Variants in ANGPT2 observed in about 807,000 individuals in gnomAD.
ANGPT2 encodes the protein angiopoietin-2.
A neutral mutation model predicts 62.9 loss-of-function variants in ANGPT2; 28 were observed. The observed-to-expected ratio is 0.44, with a 90% CI of 0.33 to 0.61. The LOEUF (loss-of-function observed/expected upper bound fraction) is 0.61, where lower values mean the gene tolerates loss of function less well. Among genes scored for constraint, ANGPT2 ranks in the 20% least tolerant of loss-of-function variants. ANGPT2 has a pLI of 0.03. For missense variants in ANGPT2, 727 were observed against 594.9 expected (o/e 1.22, Z -2.31); for synonymous variants, 284 against 207.8 (o/e 1.37, Z -3.15).
chr8:6,557,700 CACACACA>C (rs1376776438), intron 1 of ANGPT2, among the ~76,000 whole-genome samples: 1 of 151,608 alleles, frequency 6.6e-6, no homozygotes, highest in African/African-American at 2.4e-5. Flanking sequence ...CACACACACA[CACACACA>C]CACACACATA....
intron 3 of ANGPT2, among the ~76,000 whole-genome samples, chr8:6,525,083 C>G (rs188390812): frequency 6.6e-6 from 1 of 152,298 alleles, no homozygotes; most frequent in East Asian, 1.9e-4. Context: ...GTAAATCCAC[C>G]TTTTTTTGAC....
At chr8:6,539,323 C>T (rs764343287) in intron 1 of ANGPT2, among the ~76,000 whole-genome samples, 1 of 152,172 alleles carries the variant, frequency 6.6e-6, no homozygotes, top group Non-Finnish European at 1.5e-5. Context: ...AGCTACTTGC[C>T]ATCTGTTGAC....
chr8:6,527,518 C>T (rs374002049), intron 3 of ANGPT2, 37 bp downstream of exon 3: 17 of 1,596,978 alleles, frequency 1.1e-5, no homozygotes, highest in Non-Finnish European at 1.4e-5. Flanking sequence ...GGAAAGTGTG[C>T]AGTCCTGAAT....
chr8:6,514,990 C>T (rs1815969718), intron 5 of ANGPT2, among the ~76,000 whole-genome samples: 1 of 152,120 alleles, frequency 6.6e-6, no homozygotes, highest in Non-Finnish European at 1.5e-5. Flanking sequence ...GAAACATAAA[C>T]AGTAATATAA....
intron 1 of ANGPT2, among the ~76,000 whole-genome samples, chr8:6,541,916 G>A (rs922299528): frequency 2.6e-5 from 4 of 151,752 alleles, no homozygotes; most frequent in Admixed American, 2.0e-4. Context: ...GCTAAGGTGG[G>A]AGGATTGCTT....
intron 1 of ANGPT2, among the ~76,000 whole-genome samples, chr8:6,536,949 A>T (rs190204140): frequency 6.6e-6 from 1 of 150,428 alleles, no homozygotes; most frequent in East Asian, 2.0e-4. Flanking sequence ...TTCCATTCTA[A>T]GTATAAGGAA....
At chr8:6,530,208 G>A (rs1344902266) in intron 2 of ANGPT2, among the ~76,000 whole-genome samples, 2 of 151,936 alleles carry the variant, frequency 1.3e-5, no homozygotes, top group Non-Finnish European at 2.9e-5. Flanking sequence ...GTGCAATTTT[G>A]CCATTGAAAG....
chr8:6,527,017 A>G (rs902230967), intron 3 of ANGPT2, among the ~76,000 whole-genome samples: 2 of 152,248 alleles, frequency 1.3e-5, no homozygotes. Flanking sequence ...GCATTGGCTT[A>G]CAGTATAAGT....
chr8:6,548,119 T>A (rs940371429), intron 1 of ANGPT2, among the ~76,000 whole-genome samples: 1 of 152,198 alleles, frequency 6.6e-6, no homozygotes, highest in African/African-American at 2.4e-5. Flanking sequence ...TTGGCTGCTC[T>A]TTGGGATTCA....
At position 6,562,910 on chromosome 8, in the gene ANGPT2, G is replaced by T. The variant is rs1207382999; in HGVS notation, c.25C>A (p.Leu9Met). The change falls in exon 1 of 9, where the codon CTG (leucine) becomes ATG (methionine). Residue 9 changes from leucine to methionine, a missense_variant. Physicochemically the swap from Leu to Met is conservative, Grantham distance 15. Transcript: ENST00000629816. ...GCGGCCAAGACAAGATCACAGCTCAGAGTAAAGAAAACAATCTGCCACATT... is the reference window on the plus strand; with the variant it reads ...GCGGCCAAGACAAGATCACAGCTCATAGTAAAGAAAACAATCTGCCACATT... MWQIVFFTLSCDLVLAAAY... is the reference protein window; with the variant it reads MWQIVFFTMSCDLVLAAAY... The T allele has an allele frequency of 6.3e-7, 1 of 1,595,206 alleles. No individual in the cohort carries two copies. The highest frequency in any genetic ancestry group is 2.3e-5 in the East Asian group (1 of 44,346).
chr8:6,545,797 C>G (rs1007772598), intron 1 of ANGPT2, among the ~76,000 whole-genome samples: 2 of 152,202 alleles, frequency 1.3e-5, no homozygotes, highest in African/African-American at 2.4e-5. Context: ...AATAATAGTT[C>G]TACCCATTGC....
chr8:6,508,716 T>C, intron 8 of ANGPT2: 2 of 655,412 alleles, frequency 3.1e-6, no homozygotes, highest in South Asian at 1.9e-5. Flanking sequence ...GGAGACACAG[T>C]TGGCTTGCTG....
intron 7 of ANGPT2, among the ~76,000 whole-genome samples, chr8:6,513,396 G>A (rs1042418474): frequency 6.8e-6 from 1 of 148,122 alleles, no homozygotes; most frequent in South Asian, 2.1e-4. Context: ...GCCGTGGCAC[G>A]ATCTCGGCTC....
intron 1 of ANGPT2, among the ~76,000 whole-genome samples, chr8:6,557,292 T>TA (rs1263192300): frequency 1.3e-5 from 2 of 152,050 alleles, no homozygotes; most frequent in Non-Finnish European, 2.9e-5. Flanking sequence ...ATAAGGGACT[T>TA]AAAAAAATAT....
chr8:6,516,801 A>G (rs1279714572), intron 5 of ANGPT2, among the ~76,000 whole-genome samples: 9 of 152,180 alleles, frequency 5.9e-5, no homozygotes, highest in African/African-American at 7.2e-5. Context: ...AATTACTGCT[A>G]TGAAGTTACC....
chr8:6,504,460 C>G lies in ANGPT2; in HGVS notation c.1328-1199G>C, dbSNP rs372840904. On this transcript the variant is annotated intron_variant, in intron 8 of 8. Transcript: ENST00000629816. ...TCCAGTGGATCCACGCTGTCTACAT[C>G]CGGTCTCCTGATCACTTAGTAGCTG... Among the ~76,000 whole-genome samples, 59 of 152,260 alleles carry G rather than the reference C, an allele frequency of 3.9e-4. 1 individual carries two copies. Among genetic ancestry groups the G allele is most frequent in the African/African-American group, 1.3e-3 (55 of 41,554 alleles).
intron 2 of ANGPT2, among the ~76,000 whole-genome samples, chr8:6,528,253 A>G (rs1233722399): frequency 1.3e-5 from 2 of 152,224 alleles, no homozygotes; most frequent in African/African-American, 4.8e-5. Context: ...GGTCTGTGCC[A>G]AATACTAAAT....
At chr8:6,517,531 AG>A (rs554375880) in intron 5 of ANGPT2, among the ~76,000 whole-genome samples, 2 of 152,238 alleles carry the variant, frequency 1.3e-5, no homozygotes, top group Non-Finnish European at 2.9e-5. Context: ...ATGTGCTCAA[AG>A]ACCAATTGAA....
At position 6,527,520 on chromosome 8, in the gene ANGPT2, G is replaced by C. The variant is rs770700589; in HGVS notation, c.566+35C>G. 3.7e-6 allele frequency: 6 copies of C among 1,604,850 alleles called. No individual in the cohort carries two copies. The African/African-American group carries it at 4.0e-5, about 11-fold the overall frequency. On this transcript the variant is annotated intron_variant, in intron 3 of 8. Transcript: ENST00000629816. Reference sequence around the variant, plus strand: ...GACTTTCATATCTGGAAAGTGTGCAGTCCTGAATTATAAATGTTTTAGTAC... The same window carrying C: ...GACTTTCATATCTGGAAAGTGTGCACTCCTGAATTATAAATGTTTTAGTAC...
Sources: allele counts gnomAD v4.1 joint callset (sites outside exome capture counted in the v4.1 genomes callset), GRCh38; gene constraint gnomAD v4.1.1; transcripts MANE v1.5; gene names NCBI Gene and HGNC (gene_info 2026-07-23, HGNC 2026-07-21).